Variants in ROR1 observed in about 807,000 individuals in gnomAD.
The protein encoded by ROR1 is ROR family WNT receptor 1.
In ROR1, 19 loss-of-function variants were observed where a neutral mutation model predicts 78.8. That is an observed-to-expected ratio of 0.24 (90% CI 0.17 to 0.35). The LOEUF is 0.35. ROR1 is among the 10% of genes least tolerant of loss of function. The pLI, the probability that ROR1 is intolerant of heterozygous loss-of-function variation, is 1.00. For synonymous variants in ROR1, 386 were observed against 433.6 expected, an observed-to-expected ratio of 0.89 and a Z score of 1.36; for missense variants, 917 against 1,177.8, an observed-to-expected ratio of 0.78 and a Z score of 3.24.
chr1:64,125,531 T>TA (rs376993819), intron 4 of ROR1, among the ~76,000 whole-genome samples: 7 of 152,256 alleles, frequency 4.6e-5, no homozygotes, highest in African/African-American at 1.7e-4. Flanking sequence ...TGGAGTCAGA[T>TA]ACGATTCCGT....
At chr1:64,008,019 T>C (rs565773916) in intron 1 of ROR1, among the ~76,000 whole-genome samples, 86 of 151,976 alleles carry the variant, frequency 5.7e-4, no homozygotes, top group Non-Finnish European at 9.6e-4. Context: ...TGTACAGGCT[T>C]GTTGTGAGAG....
At chr1:64,056,690 A>AG (rs947390741) in intron 4 of ROR1, among the ~76,000 whole-genome samples, 6 of 151,310 alleles carry the variant, frequency 4.0e-5, no homozygotes, top group South Asian at 2.1e-4. Context: ...AAAAAAAAAA[A>AG]CAAACATTAT....
At chr1:64,141,257 T>G (rs1649301975) in intron 6 of ROR1, among the ~76,000 whole-genome samples, 2 of 152,090 alleles carry the variant, frequency 1.3e-5, no homozygotes, top group African/African-American at 4.8e-5. Flanking sequence ...AAAAAGGAAG[T>G]TCAATTGGCT....
chr1:63,925,227 T>C (rs1224985601), intron 1 of ROR1, among the ~76,000 whole-genome samples: 35 of 146,100 alleles, frequency 2.4e-4, no homozygotes, highest in African/African-American at 8.3e-4. Context: ...TGTGATCTCA[T>C]TGTTCAATTC....
intron 4 of ROR1, among the ~76,000 whole-genome samples, chr1:64,067,746 T>C (rs1646969527): frequency 7.3e-6 from 1 of 137,922 alleles, no homozygotes; most frequent in South Asian, 2.3e-4. Context: ...GGAGTCTCGC[T>C]CTGTCACCGA....
chr1:64,084,869 G>T (rs921905186), intron 4 of ROR1, among the ~76,000 whole-genome samples: 1 of 152,212 alleles, frequency 6.6e-6, no homozygotes, highest in Non-Finnish European at 1.5e-5. Context: ...GTGTGTGCTA[G>T]CTGTTGGCTT....
chr1:64,014,772 A>ATATATATATATC (rs1646506778), intron 2 of ROR1, among the ~76,000 whole-genome samples: 1 of 78,398 alleles, frequency 1.3e-5, no homozygotes, highest in African/African-American at 4.0e-5. Flanking sequence ...ATATATATAT[A>ATATATATATATC]TACACATTTT....
At chr1:63,981,671 G>C (rs545688509) in intron 1 of ROR1, among the ~76,000 whole-genome samples, 1 of 152,056 alleles carries the variant, frequency 6.6e-6, no homozygotes, top group South Asian at 2.1e-4. Flanking sequence ...GGTTCAGCTG[G>C]TCCACATGGG....
At chr1:63,794,000 C>G (rs1210975199) in intron 1 of ROR1, among the ~76,000 whole-genome samples, 1 of 152,178 alleles carries the variant, frequency 6.6e-6, no homozygotes, top group Non-Finnish European at 1.5e-5. Flanking sequence ...GCCGCTAATG[C>G]AGTTAGGTAA....
intron 1 of ROR1, among the ~76,000 whole-genome samples, chr1:63,861,705 T>C (rs976343116): frequency 6.6e-6 from 1 of 152,104 alleles, no homozygotes; most frequent in Admixed American, 6.6e-5. Context: ...GGAAATATGG[T>C]TTTTGGGGAT....
chr1:63,862,337 T>C (rs1471669453), intron 1 of ROR1, among the ~76,000 whole-genome samples: 2 of 133,822 alleles, frequency 1.5e-5, no homozygotes, highest in African/African-American at 3.0e-5. Context: ...GAGGTTGCAG[T>C]GAGCCAAGAT....
intron 1 of ROR1, among the ~76,000 whole-genome samples, chr1:63,928,365 T>C (rs1054753430): frequency 2.6e-5 from 4 of 152,172 alleles, no homozygotes; most frequent in African/African-American, 9.7e-5. Flanking sequence ...CAAGAGGCCA[T>C]TGGCACTCAG....
At position 63,810,971 on chromosome 1, in the gene ROR1, A is replaced by C. The variant is rs188821487; in HGVS notation, c.91+36463A>C. ...TGGACCCCAGGAACTCACATGTACTATCTGGTCTCCCCCAGGTTCTGCAAG... is the reference window on the plus strand; with the variant it reads ...TGGACCCCAGGAACTCACATGTACTCTCTGGTCTCCCCCAGGTTCTGCAAG... On this transcript the variant is annotated intron_variant, in intron 1 of 8. Coordinates refer to ENST00000371079, the MANE Select transcript of ROR1 (RefSeq NM_005012.4). 5.3e-5 allele frequency among the ~76,000 whole-genome samples: 8 copies of C among 152,318 alleles called. No individual in the cohort carries two copies. The East Asian group carries it at 1.5e-3, about 29-fold the overall frequency.
intron 1 of ROR1, among the ~76,000 whole-genome samples, chr1:63,921,660 C>A (rs149838943): frequency 2.4e-5 from 2 of 83,420 alleles, no homozygotes; most frequent in East Asian, 7.6e-4. Context: ...TGATAAGGTG[C>A]GGCAGAGAGA....
intron 8 of ROR1, among the ~76,000 whole-genome samples, chr1:64,171,670 A>G (rs987168828): frequency 6.6e-6 from 1 of 152,164 alleles, no homozygotes; most frequent in African/African-American, 2.4e-5. Flanking sequence ...TGACTTATGA[A>G]TATGGATCCT....
At chr1:63,858,665 A>G (rs1320789273) in intron 1 of ROR1, among the ~76,000 whole-genome samples, 1 of 152,124 alleles carries the variant, frequency 6.6e-6, no homozygotes, top group Non-Finnish European at 1.5e-5. Flanking sequence ...TCTTGTTTAG[A>G]TGAGGGTATT....
At chr1:63,990,141 C>T (rs983969664) in intron 1 of ROR1, among the ~76,000 whole-genome samples, 30 of 152,282 alleles carry the variant, frequency 2.0e-4, no homozygotes, top group South Asian at 1.7e-3. Context: ...AATTCAGTTT[C>T]GCTCTGAGAC....
At chr1:63,796,034 C>G (rs1198023339) in intron 1 of ROR1, among the ~76,000 whole-genome samples, 3 of 152,126 alleles carry the variant, frequency 2.0e-5, no homozygotes, top group Non-Finnish European at 2.9e-5. Flanking sequence ...TTGTTGGCAA[C>G]ATTCTGTGCT....
intron 1 of ROR1, among the ~76,000 whole-genome samples, chr1:63,945,714 T>C (rs1275896706): frequency 6.6e-6 from 1 of 152,236 alleles, no homozygotes; most frequent in African/African-American, 2.4e-5. Context: ...CTCTTCTGCA[T>C]TCTAATCTCT....
Sources: allele counts gnomAD v4.1 joint callset (sites outside exome capture counted in the v4.1 genomes callset), GRCh38; gene constraint gnomAD v4.1.1; transcripts MANE v1.5; gene names NCBI Gene and HGNC (gene_info 2026-07-23, HGNC 2026-07-21).